Variants in PRKG1 observed in about 807,000 individuals in gnomAD.
PRKG1 encodes protein kinase cGMP-dependent 1.
Under a neutral mutation model 88.1 loss-of-function variants are expected in PRKG1, and 35 were observed. The observed-to-expected ratio is 0.40, with a 90% CI of 0.30 to 0.53. The LOEUF (loss-of-function observed/expected upper bound fraction) is 0.53. Ranked by LOEUF, PRKG1 falls within the 20% of genes least tolerant of loss-of-function variation. PRKG1 has a pLI of 0.59. For synonymous variants in PRKG1, 303 were observed against 292.5 expected (o/e 1.04, Z -0.37); for missense variants, 540 against 839.8 (o/e 0.64, Z 4.41).
chr10:51,917,596 C>A (rs1032266558), intron 5 of PRKG1, among the ~76,000 whole-genome samples: 2 of 152,102 alleles, frequency 1.3e-5, no homozygotes, highest in Non-Finnish European at 1.5e-5. Flanking sequence ...ATGCAAATAT[C>A]CTGATGGCAA....
At chr10:51,208,101 T>C (rs1838109778) in intron 2 of PRKG1, among the ~76,000 whole-genome samples, 1 of 152,184 alleles carries the variant, frequency 6.6e-6, no homozygotes, top group Non-Finnish European at 1.5e-5. Flanking sequence ...GTCAATTACC[T>C]AGGTAAAAAA....
chr10:51,841,100 T>C (rs1304435893), intron 4 of PRKG1, among the ~76,000 whole-genome samples: 1 of 152,198 alleles, frequency 6.6e-6, no homozygotes, highest in East Asian at 1.9e-4. Context: ...AGAAAACTTA[T>C]CTCTTCTAAA....
intron 4 of PRKG1, among the ~76,000 whole-genome samples, chr10:51,851,600 C>CATTAAATGT (rs1840557442): frequency 6.6e-6 from 1 of 152,088 alleles, no homozygotes; most frequent in Non-Finnish European, 1.5e-5. Context: ...AAATGTATTA[C>CATTAAATGT]CTATTCCAAA....
intron 2 of PRKG1, among the ~76,000 whole-genome samples, chr10:51,322,142 T>A (rs183704820): frequency 3.3e-5 from 5 of 152,334 alleles, no homozygotes; most frequent in African/African-American, 9.6e-5. Context: ...GAGTAATTCT[T>A]ATCTGGAGAT....
In PRKG1 at chr10:51,942,174, G is replaced by A. The variant is rs557202931; in HGVS notation, c.762+34604G>A. Among the ~76,000 whole-genome samples, 18 of 152,026 alleles carry A rather than the reference G, an allele frequency of 1.2e-4. 1 individual carries two copies. Among genetic ancestry groups the A allele is most frequent in the African/African-American group, 4.1e-4 (17 of 41,372 alleles). On this transcript the variant is annotated intron_variant, in intron 5 of 17. Coordinates refer to ENST00000373980, the MANE Select transcript of PRKG1 (RefSeq NM_006258.4). ...TGGTGTGAGATGGTATCTCATTGTG[G>A]TTTTGATTTGCATTTCTCTGATGGC...
At chr10:52,090,654 T>C (rs1390691892) in intron 7 of PRKG1, among the ~76,000 whole-genome samples, 3 of 152,194 alleles carry the variant, frequency 2.0e-5, no homozygotes, top group Non-Finnish European at 2.9e-5. Flanking sequence ...AATATATTTG[T>C]TAATTACCAT....
intron 3 of PRKG1, among the ~76,000 whole-genome samples, chr10:51,615,861 A>C (rs772951267): frequency 6.6e-6 from 1 of 151,892 alleles, no homozygotes; most frequent in Non-Finnish European, 1.5e-5. Context: ...TATTGTATTC[A>C]TTTAGTGGTG....
At chr10:51,919,345 G>A (rs1842412679) in intron 5 of PRKG1, among the ~76,000 whole-genome samples, 1 of 152,122 alleles carries the variant, frequency 6.6e-6, no homozygotes, top group South Asian at 2.1e-4. Flanking sequence ...TTGTGAGAAA[G>A]GATGTTCTGT....
chr10:51,651,279 G>A (rs1168843678), intron 3 of PRKG1, among the ~76,000 whole-genome samples: 1 of 151,986 alleles, frequency 6.6e-6, no homozygotes, highest in East Asian at 1.9e-4. Context: ...TTTTCCACTA[G>A]TCCTTTCAAT....
At chr10:51,101,238 A>C (rs113821437) in intron 1 of PRKG1, among the ~76,000 whole-genome samples, 26 of 152,192 alleles carry the variant, frequency 1.7e-4, no homozygotes, top group Non-Finnish European at 3.8e-4. Flanking sequence ...TAGTGTCCTT[A>C]TCATAGAAAG....
chr10:51,721,212 T>TAAA (rs55873432), intron 3 of PRKG1, among the ~76,000 whole-genome samples: 390 of 122,000 alleles, frequency 3.2e-3, no homozygotes, highest in African/African-American at 0.012. Context: ...CAAGACCTAT[T>TAAA]AAAAAAAAAA....
At chr10:51,922,274 A>G (rs1842479294) in intron 5 of PRKG1, among the ~76,000 whole-genome samples, 1 of 138,414 alleles carries the variant, frequency 7.2e-6, no homozygotes, top group Non-Finnish European at 1.5e-5. Context: ...GTATTTTTGT[A>G]TCTTCTCTCT....
At chr10:51,908,734 A>ATATATTTTTT (rs563212069) in intron 5 of PRKG1, 1 of 52,232 alleles carries the variant, frequency 1.9e-5, no homozygotes, top group African/African-American at 5.8e-5. Context: ...TCTATATGTA[A>ATATATTTTTT]TTTTTTTTTT....
At chr10:51,371,487 A>T (rs897300575) in intron 2 of PRKG1, among the ~76,000 whole-genome samples, 1 of 152,134 alleles carries the variant, frequency 6.6e-6, no homozygotes, top group Non-Finnish European at 1.5e-5. Flanking sequence ...TAATGAATAC[A>T]AAACAAACAA....
intron 5 of PRKG1, among the ~76,000 whole-genome samples, chr10:52,046,421 G>A (rs769712719): frequency 6.6e-6 from 1 of 151,956 alleles, no homozygotes; most frequent in Non-Finnish European, 1.5e-5. Context: ...CCTCGGAAAA[G>A]CTTTGTATTA....
intron 2 of PRKG1, among the ~76,000 whole-genome samples, chr10:51,440,073 A>C (rs985611233): frequency 6.6e-6 from 1 of 151,948 alleles, no homozygotes; most frequent in African/African-American, 2.4e-5. Context: ...AGCCACGGAA[A>C]ATTAAATGGC....
At chr10:52,101,663 G>T (rs73342945) in intron 7 of PRKG1, among the ~76,000 whole-genome samples, 15,545 of 152,106 alleles carry the variant, frequency 0.1, 963 homozygotes, top group East Asian at 0.31. Context: ...GAGGTAGATG[G>T]TTATTTTATC....
intron 1 of PRKG1, among the ~76,000 whole-genome samples, chr10:51,152,101 G>T (rs996320530): frequency 1.3e-5 from 2 of 151,932 alleles, no homozygotes; most frequent in African/African-American, 4.8e-5. Context: ...TCCTCCTCCT[G>T]ATAAAATATT....
intron 4 of PRKG1, among the ~76,000 whole-genome samples, chr10:51,900,012 A>G (rs1057093970): frequency 6.6e-5 from 10 of 151,984 alleles, no homozygotes; most frequent in Non-Finnish European, 4.4e-5. Flanking sequence ...CCATATTTTA[A>G]GTTTCCTGAG....
Sources: gnomAD v4.1 joint callset for allele counts (sites outside exome capture counted in the v4.1 genomes callset) on GRCh38, gnomAD v4.1.1 for gene constraint, MANE v1.5 for transcripts, NCBI Gene and HGNC (gene_info 2026-07-23, HGNC 2026-07-21) for gene names.